SPTA1: variants seen among roughly 807,000 people sequenced by gnomAD.
The protein encoded by SPTA1 is spectrin alpha chain, erythrocytic 1.
SPTA1 carries 177 observed loss-of-function variants against 324.7 expected under a neutral mutation model. The ratio of observed to expected loss-of-function variants is 0.55; its 90% CI spans 0.48 to 0.62. The LOEUF (loss-of-function observed/expected upper bound fraction) is 0.62. Among genes scored for constraint, SPTA1 ranks in the 20% least tolerant of loss-of-function variants. SPTA1 has a pLI of 0.00. For missense variants in SPTA1, 3,162 were observed against 2,883.6 expected (o/e 1.10, Z -2.21); for synonymous variants, 1,195 against 1,041.3 (o/e 1.15, Z -2.84).
rs1385095903 is a variant in SPTA1, at chr1:158,644,369, C to T, written c.4222G>A (p.Glu1408Lys). ...QMFQGNCDQVESWMVARENSL... is the reference protein window; with the variant it reads ...QMFQGNCDQVKSWMVARENSL... Reference sequence around the variant, plus strand: ...TTCTCACGTGCCACCATCCAGCTCTCAACTTGATCACAGTTCCCCTGGAAC... The same window carrying T: ...TTCTCACGTGCCACCATCCAGCTCTTAACTTGATCACAGTTCCCCTGGAAC... Residue 1408 changes from glutamate to lysine, a missense_variant, in exon 30 of 52, where the codon GAG (glutamate) becomes AAG (lysine). By Grantham distance (56) the Glu-to-Lys change is moderately conservative. Transcript: ENST00000643759. 37 of 1,613,848 alleles carry T rather than the reference C, an allele frequency of 2.3e-5. No homozygotes were observed. The highest frequency in any genetic ancestry group is 3.1e-5 in the Non-Finnish European group (37 of 1,179,852).
At position 158,657,624 on chromosome 1, in the gene SPTA1, A is replaced by G; in HGVS notation, c.2658T>C (p.Ala886=). Residue 886 remains alanine, a synonymous_variant, in exon 19 of 52, where the codon GCT becomes GCC. Transcript: ENST00000643759. ...SLNQNMESLR[A]RAARRQNDLE... is the part of the protein sequence containing the mutation. ...GATCATTTTGTCGCCTAGCAGCTCGAGCACGGAGAGACTCCATATTCTGGT... is the reference window on the plus strand; with the variant it reads ...GATCATTTTGTCGCCTAGCAGCTCGGGCACGGAGAGACTCCATATTCTGGT... 6.2e-7 allele frequency: 1 copy of G among 1,614,104 alleles called. No homozygotes were observed. The highest frequency in any genetic ancestry group is 1.7e-4 in the Middle Eastern group (1 of 6,060).
In SPTA1 at chr1:158,678,538, T is replaced by C. The variant is rs969584842; in HGVS notation, c.679-4A>G. On this transcript the variant is annotated splice_polypyrimidine_tract_variant and splice_region_variant and intron_variant, in intron 5 of 51. Transcript: ENST00000643759. ...AGGGTAGGTCAGGATGGTTTTCCTG[T>C]TGAAGGAAAACAACACTGGAGTTAT... 17 of 1,613,096 alleles carry C rather than the reference T, an allele frequency of 1.1e-5. No homozygotes were observed. Among genetic ancestry groups the C allele is most frequent in the Non-Finnish European group, 1.4e-5 (17 of 1,179,528 alleles).
At chr1:158,653,546 G>T in intron 21 of SPTA1, 121 bp from the exon 22 acceptor site, 1 of 1,291,022 alleles carries the variant, frequency 7.7e-7, no homozygotes. Flanking sequence ...AGCTAACCAT[G>T]TCTAATGAGT....
At position 158,639,566 on chromosome 1, in the gene SPTA1, T is replaced by C; in HGVS notation, c.4980+16A>G. 6.2e-7 allele frequency: 1 copy of C among 1,610,958 alleles called. No individual in the cohort carries two copies. Among genetic ancestry groups the C allele is most frequent in the Non-Finnish European group, 8.5e-7 (1 of 1,177,308 alleles). On this transcript the variant is annotated intron_variant, in intron 35 of 51. Transcript: ENST00000643759. Reference sequence around the variant, plus strand: ...TTCTATTCTGCCCAGAGGAGAGGGATGCCAACACTACTTACCTCTCGAGCC... The same window carrying C: ...TTCTATTCTGCCCAGAGGAGAGGGACGCCAACACTACTTACCTCTCGAGCC...
At chr1:158,625,488 A>G (rs918459132) in intron 42 of SPTA1, among the ~76,000 whole-genome samples, 1 of 152,108 alleles carries the variant, frequency 6.6e-6, no homozygotes, top group African/African-American at 2.4e-5. Flanking sequence ...ATACAATAAA[A>G]TAGACTGTTG....
chr1:158,623,044 A>C lies in SPTA1; in HGVS notation c.6059T>G (p.Leu2020Trp). 1 of 1,614,210 alleles carries C rather than the reference A, an allele frequency of 6.2e-7. No homozygotes were observed. Among genetic ancestry groups the C allele is most frequent in the East Asian group, 2.2e-5 (1 of 44,880 alleles). The stretch of plus-strand genomic sequence containing the variant: ...TCTGTGGACTGCCGAGGCTTCCAGC[A>C]ACTGTTCCCAGCGCTTCAGCAGAGC... ...YAALLKRWEQ[L>W]LEASAVHRQK... is the part of the protein sequence containing the mutation. Residue 2020 changes from leucine (L) to tryptophan (W), a missense_variant, in exon 43 of 52, where the codon TTG becomes TGG. Transcript: ENST00000643759.
At position 158,669,811 on chromosome 1, in the gene SPTA1, A is replaced by G. The variant is rs2298801; in HGVS notation, c.1600-25T>C. The G allele has an allele frequency of 0.47, 763,794 of 1,610,912 alleles. 184,761 individuals are homozygous for G. Among genetic ancestry groups the G allele is most frequent in the Non-Finnish European group, 0.5 (592,167 of 1,177,614 alleles). ...TCTGAAAAAATAAAAATAAAAATGAATGCTTTTCCTTCAGTGACCACTGAG... is the reference window on the plus strand; with the variant it reads ...TCTGAAAAAATAAAAATAAAAATGAGTGCTTTTCCTTCAGTGACCACTGAG... On this transcript the variant is annotated intron_variant, in intron 12 of 51. Transcript: ENST00000643759.
At chr1:158,649,745 G>T (rs1461252080) in intron 25 of SPTA1, 111 bp downstream of exon 25, 31 of 875,976 alleles carry the variant, frequency 3.5e-5, no homozygotes, top group Non-Finnish European at 5.2e-5. Flanking sequence ...TTGGCACATT[G>T]TCTCCATCTC....
intron 30 of SPTA1, among the ~76,000 whole-genome samples, chr1:158,643,696 G>A (rs1313228213): frequency 6.6e-6 from 1 of 152,158 alleles, no homozygotes; most frequent in African/African-American, 2.4e-5. Context: ...TGAGTGAGAT[G>A]ATGAAATGAC....
rs759877477 is a variant in SPTA1, at chr1:158,617,507, A to G, written c.6600+30T>C. Reference sequence around the variant, plus strand: ...TTACACTCCTTATAATTTTGGCAATATCTTCAGTTAATGAAAAAACAATAC... The same window carrying G: ...TTACACTCCTTATAATTTTGGCAATGTCTTCAGTTAATGAAAAAACAATAC... On this transcript the variant is annotated intron_variant, in intron 47 of 51. Transcript: ENST00000643759. 2.5e-6 allele frequency: 4 copies of G among 1,598,000 alleles called. No individual in the cohort carries two copies. In the Admixed American group the frequency reaches 6.7e-5, roughly 27 times the overall value.
chr1:158,639,541 T>G (rs1307952984), intron 35 of SPTA1, 41 bp downstream of exon 35: 1 of 1,597,704 alleles, frequency 6.3e-7, no homozygotes, highest in Non-Finnish European at 8.6e-7. Context: ...CCAGAAATAT[T>G]TCTATTCTGC....
chr1:158,652,020 C>T (rs1412214292), intron 23 of SPTA1, among the ~76,000 whole-genome samples: 1 of 151,800 alleles, frequency 6.6e-6, no homozygotes, highest in Non-Finnish European at 1.5e-5. Context: ...GGAAAAAAAT[C>T]TAAGGGAAGA....
chr1:158,635,384 C>T (rs192694338), intron 38 of SPTA1, among the ~76,000 whole-genome samples: 119 of 148,798 alleles, frequency 8.0e-4, no homozygotes, highest in African/African-American at 2.9e-3. Flanking sequence ...TTGTAAGTTT[C>T]CTGAGGCCTC....
intron 42 of SPTA1, among the ~76,000 whole-genome samples, chr1:158,624,710 T>G (rs1425428727): frequency 6.6e-6 from 1 of 152,196 alleles, no homozygotes; most frequent in Non-Finnish European, 1.5e-5. Context: ...TGCAGAAAAG[T>G]AGTCAATATT....
chr1:158,638,010 A>G (rs559701157), intron 36 of SPTA1, 23 bp downstream of exon 36: 3 of 1,612,052 alleles, frequency 1.9e-6, no homozygotes, highest in Admixed American at 3.3e-5. Flanking sequence ...TTATCCACAC[A>G]TTTTTGAGCT....
intron 40 of SPTA1, 53 bp downstream of exon 40, chr1:158,627,572 C>G: frequency 6.5e-7 from 1 of 1,543,682 alleles, no homozygotes; most frequent in Non-Finnish European, 9.0e-7. Flanking sequence ...TACATTTGGG[C>G]CAGTCCCTTT....
intron 25 of SPTA1, 81 bp from the exon 26 acceptor site, chr1:158,648,734 A>C: frequency 6.7e-7 from 1 of 1,502,918 alleles, no homozygotes. Flanking sequence ...GAAAGTTATC[A>C]TCACTACCAC....
chr1:158,648,795 T>C, intron 25 of SPTA1, 142 bp from the exon 26 acceptor site: 3 of 863,806 alleles, frequency 3.5e-6, no homozygotes, highest in Non-Finnish European at 5.4e-6. Flanking sequence ...CATCATTGTT[T>C]TTTATGTGCT....
At position 158,614,256 on chromosome 1, in the gene SPTA1, T is replaced by C. The variant is rs1571368886; in HGVS notation, c.6839A>G (p.Tyr2280Cys). The change falls in exon 49 of 52, where the codon TAT becomes TGT. Residue 2280 changes from tyrosine (Y) to cysteine (C), a missense_variant. Coordinates refer to ENST00000643759, the MANE Select transcript of SPTA1 (RefSeq NM_003126.4). ...EETLKEFSTI[Y>C]KHFDENLTGR... The stretch of plus-strand genomic sequence containing the variant: ...TTAACTATGAAATTATACTCACTTA[T>C]AGATTGTGCTAAATTCCTTTAGAGT... 1.3e-6 allele frequency: 2 copies of C among 1,588,736 alleles called. No individual in the cohort carries two copies. The highest frequency in any genetic ancestry group is 4.5e-5 in the East Asian group (2 of 44,698).
Sources: gnomAD v4.1 joint callset for allele counts (sites outside exome capture counted in the v4.1 genomes callset) on GRCh38, gnomAD v4.1.1 for gene constraint, MANE v1.5 for transcripts, NCBI Gene and HGNC (gene_info 2026-07-23, HGNC 2026-07-21) for gene names.